The following ADGRB3 variants were observed in gnomAD, a reference collection of about 807,000 sequenced individuals.
ADGRB3 encodes adhesion G protein-coupled receptor B3.
A neutral mutation model predicts 193.4 loss-of-function variants in ADGRB3; 37 were observed. The ratio of observed to expected loss-of-function variants is 0.19; its 90% CI spans 0.15 to 0.25. The LOEUF (loss-of-function observed/expected upper bound fraction) is 0.25. Among genes scored for constraint, ADGRB3 ranks in the 10% least tolerant of loss-of-function variants. The pLI, the probability that ADGRB3 is intolerant of heterozygous loss-of-function variation, is 1.00. For synonymous variants in ADGRB3, 690 were observed against 644.2 expected (o/e 1.07, Z -1.08); for missense variants, 1,637 against 1,852.9 (o/e 0.88, Z 2.14).
chr6:69,149,038 A>T (rs7739401), intron 17 of ADGRB3, among the ~76,000 whole-genome samples: 116,123 of 151,976 alleles, frequency 0.76, 45,830 homozygotes, highest in East Asian at 1. Context: ...TAAATCTGTG[A>T]GATGTTCTAT....
At chr6:68,898,457 A>C (rs1235353597) in intron 3 of ADGRB3, among the ~76,000 whole-genome samples, 1 of 152,134 alleles carries the variant, frequency 6.6e-6, no homozygotes, top group African/African-American at 2.4e-5. Context: ...TTCGCCAACT[A>C]TCTGAGTTTT....
intron 30 of ADGRB3, among the ~76,000 whole-genome samples, chr6:69,374,538 C>G (rs141642480): frequency 1.3e-5 from 2 of 152,212 alleles, no homozygotes; most frequent in East Asian, 3.9e-4. Context: ...CCAGAGTCCA[C>G]ACACTATGAT....
intron 17 of ADGRB3, among the ~76,000 whole-genome samples, chr6:69,162,311 G>C (rs1343427891): frequency 2.0e-5 from 3 of 151,888 alleles, no homozygotes; most frequent in Non-Finnish European, 4.4e-5. Flanking sequence ...CTTCAATGTT[G>C]TATATAAACC....
chr6:69,090,124 A>C (rs544476423), intron 17 of ADGRB3, among the ~76,000 whole-genome samples: 1 of 152,118 alleles, frequency 6.6e-6, no homozygotes, highest in African/African-American at 2.4e-5. Context: ...TCTGCTTTTC[A>C]TTTTCTAAAC....
chr6:68,888,542 T>TACAC (rs5877179), intron 3 of ADGRB3, among the ~76,000 whole-genome samples: 58,919 of 145,856 alleles, frequency 0.4, 11,989 homozygotes, highest in Middle Eastern at 0.57. Context: ...GGGTAATAGA[T>TACAC]ACACACACAC....
At chr6:68,891,739 G>A (rs1013837055) in intron 3 of ADGRB3, among the ~76,000 whole-genome samples, 18 of 152,114 alleles carry the variant, frequency 1.2e-4, no homozygotes, top group African/African-American at 4.1e-4. Flanking sequence ...TGTTCAACTG[G>A]CTCCTGAAAA....
chr6:69,102,084 A>G (rs1233500920), intron 17 of ADGRB3, among the ~76,000 whole-genome samples: 4 of 148,618 alleles, frequency 2.7e-5, no homozygotes, highest in South Asian at 4.5e-4. Context: ...AGGCTGAGGC[A>G]GGAGAATGGC....
intron 3 of ADGRB3, among the ~76,000 whole-genome samples, chr6:68,825,990 AT>A (rs111470081): frequency 0.13 from 18,714 of 144,974 alleles, 1,127 homozygotes; most frequent in African/African-American, 0.14. Flanking sequence ...TTTCCTCCCC[AT>A]TTTTTTTTTT....
intron 20 of ADGRB3, among the ~76,000 whole-genome samples, chr6:69,243,495 G>T (rs2127262741): frequency 6.6e-6 from 1 of 151,124 alleles, no homozygotes; most frequent in South Asian, 2.1e-4. Flanking sequence ...AAAACCGTGG[G>T]CCCCATCGCT....
At chr6:69,300,089 G>A (rs1452931144) in intron 20 of ADGRB3, among the ~76,000 whole-genome samples, 2 of 151,758 alleles carry the variant, frequency 1.3e-5, no homozygotes, top group African/African-American at 2.4e-5. Flanking sequence ...CTAGTGAACT[G>A]AATTCAACAA....
chr6:69,119,880 T>G (rs548352506), intron 17 of ADGRB3, among the ~76,000 whole-genome samples: 4 of 152,142 alleles, frequency 2.6e-5, no homozygotes, highest in Non-Finnish European at 2.9e-5. Flanking sequence ...TTTAAGAGAA[T>G]TTCACAATAA....
chr6:68,984,940 C>T (rs991821318), intron 10 of ADGRB3, among the ~76,000 whole-genome samples: 1 of 151,438 alleles, frequency 6.6e-6, no homozygotes, highest in Non-Finnish European at 1.5e-5. Flanking sequence ...GGATCATTAG[C>T]TAAGAGTGAG....
intron 17 of ADGRB3, among the ~76,000 whole-genome samples, chr6:69,172,792 A>ACAT (rs1476216535): frequency 1.3e-5 from 2 of 152,038 alleles, no homozygotes; most frequent in Non-Finnish European, 2.9e-5. Context: ...TGAGAAGCAG[A>ACAT]CATTAGAGAC....
chr6:68,997,585 G>A (rs1021951707), intron 11 of ADGRB3, among the ~76,000 whole-genome samples: 15 of 150,996 alleles, frequency 9.9e-5, no homozygotes, highest in African/African-American at 2.9e-4. Context: ...CCCGGGAATC[G>A]GAGGTCTCAG....
In ADGRB3 at chr6:69,369,175, C is replaced by T. The variant is rs1769653399; in HGVS notation, c.4240-3231C>T. Among the ~76,000 whole-genome samples, 2 of 152,100 alleles carry T rather than the reference C, an allele frequency of 1.3e-5. 1 individual carries two copies. The highest frequency in any genetic ancestry group is 4.1e-4 in the South Asian group (2 of 4,832). ...CAGTTGGTTCTTAATTTAAAACATACATAACAATTTCCAATCACTTTCTTC... is the reference window on the plus strand; with the variant it reads ...CAGTTGGTTCTTAATTTAAAACATATATAACAATTTCCAATCACTTTCTTC... On this transcript the variant is annotated intron_variant, in intron 29 of 31. Coordinates refer to ENST00000370598, the MANE Select transcript of ADGRB3 (RefSeq NM_001704.3).
chr6:69,016,768 G>T (rs1431376017), intron 12 of ADGRB3, among the ~76,000 whole-genome samples: 4 of 151,964 alleles, frequency 2.6e-5, no homozygotes, highest in Admixed American at 2.6e-4. Context: ...GAGAAAAAGT[G>T]CTTACAATTA....
intron 17 of ADGRB3, chr6:69,232,370 C>G (rs554155415): frequency 7.2e-7 from 1 of 1,387,872 alleles, no homozygotes; most frequent in Admixed American, 2.9e-5. Context: ...TAGGTTGATA[C>G]CATTTTTATT....
intron 20 of ADGRB3, among the ~76,000 whole-genome samples, chr6:69,255,344 T>C (rs529854918): frequency 1.4e-3 from 206 of 152,254 alleles, no homozygotes; most frequent in African/African-American, 4.7e-3. Context: ...AGTGTTCCTA[T>C]TTCTCCACAT....
At chr6:68,844,065 C>G (rs1768223098) in intron 3 of ADGRB3, among the ~76,000 whole-genome samples, 1 of 152,060 alleles carries the variant, frequency 6.6e-6, no homozygotes, top group Admixed American at 6.5e-5. Context: ...AACTATGAAA[C>G]TACTACAAGA....
Sources: allele counts gnomAD v4.1 joint callset (sites outside exome capture counted in the v4.1 genomes callset), GRCh38; gene constraint gnomAD v4.1.1; transcripts MANE v1.5; gene names NCBI Gene and HGNC (gene_info 2026-07-23, HGNC 2026-07-21).